The following SYN3 variants were observed in gnomAD, a reference collection of about 807,000 sequenced individuals.
SYN3 encodes the protein synapsin-3.
SYN3 carries 35 observed loss-of-function variants against 65.8 expected under a neutral mutation model. That is an observed-to-expected ratio of 0.53 (90% CI 0.41 to 0.70). SYN3 has a LOEUF of 0.70. Among genes scored for constraint, SYN3 ranks in the 30% least tolerant of loss-of-function variants. SYN3 has a pLI of 0.00. For missense variants in SYN3, 680 were observed against 749.0 expected (o/e 0.91, Z 1.08); for synonymous variants, 270 against 292.9 (o/e 0.92, Z 0.80).
At chr22:32,898,666 A>G (rs1194421578) in intron 4 of SYN3, among the ~76,000 whole-genome samples, 1 of 152,210 alleles carries the variant, frequency 6.6e-6, no homozygotes, top group Non-Finnish European at 1.5e-5. Context: ...CCCTATATAC[A>G]TATATGCATG....
At chr22:32,692,155 C>CAAAAAAAAAAAAAAAAAAAAAAAAAAAA (rs1188224009) in intron 6 of SYN3, among the ~76,000 whole-genome samples, 1 of 34,496 alleles carries the variant, frequency 2.9e-5, no homozygotes, top group Non-Finnish European at 4.3e-5. Flanking sequence ...GACAAAAAGA[C>CAAAAAAAAAAAAAAAAAAAAAAAAAAAA]AAAAAAAAAA....
chr22:32,783,909 G>A (rs985548575), intron 6 of SYN3, among the ~76,000 whole-genome samples: 1 of 152,188 alleles, frequency 6.6e-6, no homozygotes, highest in Non-Finnish European at 1.5e-5. Flanking sequence ...GTAGGCATGT[G>A]ACTTGAACTA....
Position 32,533,830 on chromosome 22 carries a change from G to T in SYN3, c.1058C>A (p.Ala353Asp). The T allele has an allele frequency of 6.2e-7, 1 of 1,613,944 alleles. No individual in the cohort carries two copies. Among genetic ancestry groups the T allele is most frequent in the Non-Finnish European group, 8.5e-7 (1 of 1,179,892 alleles). Residue 353 changes from alanine (A) to aspartate (D), a missense_variant, in exon 10 of 14, where the codon GCT (alanine) becomes GAT (aspartate). Ala to Asp is a moderately radical substitution (Grantham distance 126, BLOSUM62 -2). Coordinates refer to ENST00000358763, the MANE Select transcript of SYN3 (RefSeq NM_003490.4). ...ATCTCTGCCATCCTTGCTGTGGACA[G>T]CCTTGACGGCACAGATGTCCAGGCC... ...FGGLDICAVK[A>D]VHSKDGRDYI...
chr22:32,922,527 A>AT (rs1569328881), intron 4 of SYN3, among the ~76,000 whole-genome samples: 4 of 151,864 alleles, frequency 2.6e-5, no homozygotes, highest in Admixed American at 2.0e-4. Flanking sequence ...ACAAAAAGGG[A>AT]TTTTTTTTGG....
At chr22:32,785,174 T>C (rs1339351745) in intron 6 of SYN3, among the ~76,000 whole-genome samples, 1 of 152,000 alleles carries the variant, frequency 6.6e-6, no homozygotes, top group African/African-American at 2.4e-5. Flanking sequence ...GGTGCAGCTC[T>C]GGGGTCAGTC....
Position 32,950,531 on chromosome 22 carries a change from A to G in SYN3, c.370-19050T>C, listed in dbSNP as rs184838189. On this transcript the variant is annotated intron_variant, in intron 3 of 13. Coordinates refer to ENST00000358763, the MANE Select transcript of SYN3 (RefSeq NM_003490.4). ...TCTCTGCAACTCTGACTTCCAATCT[A>G]TGAGTTGGCAGCCATAAACTCTAAT... Among the ~76,000 whole-genome samples the G allele has an allele frequency of 2.0e-5, 3 of 150,788 alleles. No homozygotes were observed. The East Asian group carries it at 5.8e-4, about 29-fold the overall frequency.
chr22:32,577,871 G>C (rs1445915359), intron 7 of SYN3, among the ~76,000 whole-genome samples: 4 of 152,146 alleles, frequency 2.6e-5, no homozygotes. Context: ...TCACAGAAAG[G>C]CTTCTCTGAT....
intron 1 of SYN3, among the ~76,000 whole-genome samples, chr22:33,015,821 C>T (rs1232905456): frequency 2.0e-5 from 3 of 150,014 alleles, no homozygotes; most frequent in East Asian, 1.9e-4. Context: ...ACATACTGAA[C>T]ATTTAATAGG....
chr22:32,782,058 GT>G (rs1215650923), intron 6 of SYN3, among the ~76,000 whole-genome samples: 2 of 149,542 alleles, frequency 1.3e-5, no homozygotes, highest in Non-Finnish European at 3.0e-5. Flanking sequence ...AACAAAATAA[GT>G]TTCAGGCTCT....
At chr22:32,606,308 G>T (rs1440096770) in intron 6 of SYN3, among the ~76,000 whole-genome samples, 1 of 152,142 alleles carries the variant, frequency 6.6e-6, no homozygotes, top group African/African-American at 2.4e-5. Context: ...GGGGTTTGTG[G>T]TAGACATTTA....
chr22:32,841,170 G>C (rs1325815337), intron 6 of SYN3, among the ~76,000 whole-genome samples: 1 of 152,194 alleles, frequency 6.6e-6, no homozygotes, highest in African/African-American at 2.4e-5. Flanking sequence ...CCTGTTATGT[G>C]CCAGGCACTC....
At chr22:32,679,954 T>G (rs1282682112) in intron 6 of SYN3, among the ~76,000 whole-genome samples, 2 of 150,260 alleles carry the variant, frequency 1.3e-5, no homozygotes, top group African/African-American at 4.9e-5. Context: ...TAAATTACCT[T>G]GATTATTTAC....
chr22:32,961,839 T>G (rs1193244668), intron 3 of SYN3, among the ~76,000 whole-genome samples: 1 of 152,218 alleles, frequency 6.6e-6, no homozygotes, highest in Non-Finnish European at 1.5e-5. Context: ...ACAGACCAAA[T>G]TCTCAACGTG....
At chr22:32,740,327 T>C (rs1403826770) in intron 6 of SYN3, among the ~76,000 whole-genome samples, 1 of 152,030 alleles carries the variant, frequency 6.6e-6, no homozygotes, top group Admixed American at 6.6e-5. Flanking sequence ...ACTGGGGAGA[T>C]GGGCACATCA....
intron 6 of SYN3, among the ~76,000 whole-genome samples, chr22:32,773,667 C>T (rs775367718): frequency 2.0e-5 from 3 of 152,184 alleles, no homozygotes; most frequent in African/African-American, 4.8e-5. Context: ...CTCCAATTTG[C>T]ACCCACTGGT....
chr22:32,796,036 C>A (rs753588907), intron 6 of SYN3, among the ~76,000 whole-genome samples: 1 of 152,174 alleles, frequency 6.6e-6, no homozygotes, highest in Admixed American at 6.5e-5. Flanking sequence ...TGAAGCTGAG[C>A]ATGCAACCTT....
At chr22:32,640,576 T>C (rs1433053822) in intron 6 of SYN3, among the ~76,000 whole-genome samples, 3 of 151,964 alleles carry the variant, frequency 2.0e-5, no homozygotes, top group Non-Finnish European at 4.4e-5. Context: ...CATAAATCTA[T>C]TCATATTTGG....
intron 1 of SYN3, among the ~76,000 whole-genome samples, chr22:33,046,493 G>C (rs1000238394): frequency 1.3e-5 from 2 of 152,220 alleles, no homozygotes; most frequent in African/African-American, 4.8e-5. Context: ...GCCGAGGCAG[G>C]CGGATCACAA....
intron 4 of SYN3, among the ~76,000 whole-genome samples, chr22:32,925,581 T>C (rs1206045338): frequency 6.6e-6 from 1 of 152,216 alleles, no homozygotes; most frequent in Non-Finnish European, 1.5e-5. Flanking sequence ...ATGTCTATTT[T>C]TGCAAAGTGA....
Sources: gnomAD v4.1 joint callset for allele counts (sites outside exome capture counted in the v4.1 genomes callset) on GRCh38, gnomAD v4.1.1 for gene constraint, MANE v1.5 for transcripts, NCBI Gene and HGNC (gene_info 2026-07-23, HGNC 2026-07-21) for gene names.